TRPM3: variants seen among roughly 807,000 people sequenced by gnomAD.
TRPM3 encodes long transient receptor potential channel 3.
Under a neutral mutation model 181.2 loss-of-function variants are expected in TRPM3, and 77 were observed. The ratio of observed to expected loss-of-function variants is 0.42; its 90% CI spans 0.35 to 0.51. The LOEUF is 0.51. Ranked by LOEUF, TRPM3 falls within the 20% of genes least tolerant of loss-of-function variation. TRPM3 has a pLI of 0.01. For synonymous variants in TRPM3, 745 were observed against 796.4 expected (o/e 0.94, Z 1.09); for missense variants, 1,759 against 2,196.7 (o/e 0.80, Z 3.98).
At chr9:71,417,882 CTTAT>C (rs931504325) in intron 1 of TRPM3, among the ~76,000 whole-genome samples, 22 of 151,866 alleles carry the variant, frequency 1.4e-4, no homozygotes, top group Non-Finnish European at 2.5e-4. Context: ...ATATATCATT[CTTAT>C]TTGTCATGTT....
At chr9:71,090,879 A>G (rs2066088477) in intron 1 of TRPM3, among the ~76,000 whole-genome samples, 1 of 152,180 alleles carries the variant, frequency 6.6e-6, no homozygotes, top group Non-Finnish European at 1.5e-5. Flanking sequence ...TACTTAAAAA[A>G]TGTTAGGTAC....
chr9:71,282,227 AAG>A (rs1345997596), intron 1 of TRPM3, among the ~76,000 whole-genome samples: 1 of 128,074 alleles, frequency 7.8e-6, no homozygotes, highest in Non-Finnish European at 1.6e-5. Context: ...GAAAGAAAGA[AAG>A]AAAAAGAAAG....
At chr9:70,684,467 G>A (rs1472744234) in intron 8 of TRPM3, among the ~76,000 whole-genome samples, 1 of 152,096 alleles carries the variant, frequency 6.6e-6, no homozygotes, top group Non-Finnish European at 1.5e-5. Flanking sequence ...GCTCCAAAGA[G>A]AAAGTTACAT....
At chr9:70,805,190 G>A (rs1229072539) in intron 6 of TRPM3, among the ~76,000 whole-genome samples, 4 of 150,528 alleles carry the variant, frequency 2.7e-5, no homozygotes, top group Non-Finnish European at 4.4e-5. Context: ...GAGAGGCAGA[G>A]GAAGGAGGAG....
chr9:70,953,902 G>C (rs778485243), intron 1 of TRPM3, among the ~76,000 whole-genome samples: 4 of 152,138 alleles, frequency 2.6e-5, no homozygotes, highest in Non-Finnish European at 5.9e-5. Context: ...CAGCCTCAGA[G>C]AACTCAAAGA....
intron 1 of TRPM3, among the ~76,000 whole-genome samples, chr9:71,262,503 C>T (rs1371167809): frequency 2.6e-5 from 4 of 152,172 alleles, no homozygotes; most frequent in Admixed American, 2.6e-4. Flanking sequence ...CTGGCTTCAG[C>T]CTCCTTTCCA....
intron 3 of TRPM3, among the ~76,000 whole-genome samples, chr9:70,862,570 T>C (rs908332818): frequency 6.6e-6 from 1 of 152,022 alleles, no homozygotes; most frequent in African/African-American, 2.4e-5. Context: ...GTTAGAAAAA[T>C]ATGTCTTAAT....
In TRPM3 at chr9:70,820,016, G is replaced by A. The variant is rs538337541; in HGVS notation, c.973+7831C>T. ...ATCTAATATTTCAAAATATAGTCTC[G>A]GTCAATTCATATTCAGCTCAAGTTC... On this transcript the variant is annotated intron_variant, in intron 6 of 25. Transcript: ENST00000677713. Among the ~76,000 whole-genome samples the A allele has an allele frequency of 1.6e-3, 241 of 151,986 alleles. 2 individuals carry two copies. Among genetic ancestry groups the A allele is most frequent in the Middle Eastern group, 3.4e-3 (1 of 294 alleles).
intron 1 of TRPM3, among the ~76,000 whole-genome samples, chr9:71,045,610 G>T (rs944063752): frequency 6.6e-6 from 1 of 152,164 alleles, no homozygotes; most frequent in Non-Finnish European, 1.5e-5. Flanking sequence ...ATGAGGCAGG[G>T]GGACAGATGA....
intron 1 of TRPM3, among the ~76,000 whole-genome samples, chr9:71,434,020 G>A (rs7864710): frequency 0.092 from 13,960 of 152,020 alleles, 915 homozygotes; most frequent in African/African-American, 0.18. Context: ...TTAGCCAGGC[G>A]TGGTGGCGCG....
intron 1 of TRPM3, among the ~76,000 whole-genome samples, chr9:70,929,360 C>G (rs1200113447): frequency 6.6e-6 from 1 of 151,994 alleles, no homozygotes; most frequent in East Asian, 1.9e-4. Flanking sequence ...CGCCACCATG[C>G]CCAGCTGATT....
chr9:70,578,035 G>A (rs1444518331), intron 22 of TRPM3, among the ~76,000 whole-genome samples: 1 of 152,140 alleles, frequency 6.6e-6, no homozygotes, highest in Non-Finnish European at 1.5e-5. Context: ...TTGCTTCAAG[G>A]CCTGTGATTC....
At chr9:70,604,964 C>CATTTTTTTTT in intron 19 of TRPM3, among the ~76,000 whole-genome samples, 1 of 129,938 alleles carries the variant, frequency 7.7e-6, no homozygotes, top group African/African-American at 3.0e-5. Flanking sequence ...ATGGATTCTT[C>CATTTTTTTTT]TTTTTTTTTG....
Position 71,153,454 on chromosome 9 carries a change from C to A in TRPM3, c.184-288943G>T, listed in dbSNP as rs138977773. Among the ~76,000 whole-genome samples the A allele has an allele frequency of 2.0e-5, 3 of 151,988 alleles. No individual in the cohort carries two copies. In the East Asian group the frequency reaches 5.8e-4, roughly 30 times the overall value. On this transcript the variant is annotated intron_variant, in intron 1 of 24. Coordinates refer to the TRPM3 transcript ENST00000357533. ...TACAGGCATCTACCACCACACCCAG[C>A]TAATTTTTGTATTTTTAGTAGAGAT...
intron 3 of TRPM3, among the ~76,000 whole-genome samples, chr9:70,853,108 G>A (rs2095287085): frequency 6.6e-6 from 1 of 152,148 alleles, no homozygotes; most frequent in African/African-American, 2.4e-5. Context: ...CACTGTCTTG[G>A]AAAGAAAACA....
chr9:70,627,312 G>T (rs1166313050), intron 12 of TRPM3, among the ~76,000 whole-genome samples: 3 of 105,462 alleles, frequency 2.8e-5, no homozygotes, highest in Admixed American at 1.5e-4. Context: ...CACTCTTGTT[G>T]CCCAGGCTGG....
At chr9:70,631,309 C>T (rs1354437876) in intron 12 of TRPM3, among the ~76,000 whole-genome samples, 3 of 151,034 alleles carry the variant, frequency 2.0e-5, no homozygotes. Context: ...ATGCATTTAG[C>T]AGATGGGATT....
intron 3 of TRPM3, among the ~76,000 whole-genome samples, chr9:70,850,030 T>C (rs1297106636): frequency 6.6e-6 from 1 of 152,188 alleles, no homozygotes; most frequent in East Asian, 1.9e-4. Flanking sequence ...CCTGAACATA[T>C]ATATGCCAGA....
chr9:71,010,924 CACACACAT>C (rs1466357250), intron 1 of TRPM3, among the ~76,000 whole-genome samples: 12 of 91,816 alleles, frequency 1.3e-4, no homozygotes, highest in African/African-American at 2.9e-4. Flanking sequence ...CACACACACA[CACACACAT>C]ACACACACAC....
Sources: gnomAD v4.1 joint callset for allele counts (sites outside exome capture counted in the v4.1 genomes callset) on GRCh38, gnomAD v4.1.1 for gene constraint, MANE v1.5 for transcripts, NCBI Gene and HGNC (gene_info 2026-07-23, HGNC 2026-07-21) for gene names.